The following COG6 variants were observed in gnomAD, a reference collection of about 807,000 sequenced individuals.
COG6 encodes the protein component of oligomeric golgi complex 6, also known as conserved oligomeric Golgi complex subunit 6.
Under a neutral mutation model 88.8 loss-of-function variants are expected in COG6, and 74 were observed. That is an observed-to-expected ratio of 0.83 (90% CI 0.69 to 1.01). The LOEUF (loss-of-function observed/expected upper bound fraction) is 1.01. Ranked by LOEUF, COG6 falls within the 50% of genes least tolerant of loss-of-function variation. COG6 has a pLI of 0.00. For missense variants in COG6, 800 were observed against 797.9 expected, an observed-to-expected ratio of 1.00 and a Z score of -0.03; for synonymous variants, 286 against 278.7, an observed-to-expected ratio of 1.03 and a Z score of -0.26.
intron 18 of COG6, among the ~76,000 whole-genome samples, chr13:39,763,112 T>C (rs1206138175): frequency 6.6e-6 from 1 of 151,810 alleles, no homozygotes; most frequent in Non-Finnish European, 1.5e-5. Flanking sequence ...TAAATCACTC[T>C]TGCATTCCCA....
At chr13:39,768,669 C>T (rs762367466) in intron 18 of COG6, among the ~76,000 whole-genome samples, 5 of 152,092 alleles carry the variant, frequency 3.3e-5, no homozygotes, top group Non-Finnish European at 7.4e-5. Context: ...AGTCAAGGCT[C>T]AGTGGTAACT....
intron 18 of COG6, among the ~76,000 whole-genome samples, chr13:39,768,855 G>A (rs773096821): frequency 2.2e-4 from 34 of 151,944 alleles, no homozygotes; most frequent in African/African-American, 6.0e-4. Context: ...CCCACCCCCC[G>A]CCTACCATCA....
intron 12 of COG6, among the ~76,000 whole-genome samples, chr13:39,696,947 A>G (rs1380379218): frequency 2.7e-5 from 4 of 147,796 alleles, no homozygotes; most frequent in Non-Finnish European, 4.5e-5. Context: ...CACAGCCAAT[A>G]GGACATGTAT....
intron 15 of COG6, 66 bp from the exon 16 acceptor site, chr13:39,723,267 G>A (rs1878945536): frequency 4.2e-6 from 4 of 963,738 alleles, no homozygotes; most frequent in South Asian, 3.9e-5. Context: ...GCCAATGCAA[G>A]GCACTGCATC....
exon 19 of COG6, chr13:39,791,229 G>T (rs559548140): frequency 6.6e-6 from 1 of 152,080 alleles, no homozygotes; most frequent in South Asian, 2.1e-4. Context: ...CTGTTAAGAT[G>T]AATCTATTTT....
At chr13:39,770,604 C>G (rs1024112037) in intron 18 of COG6, among the ~76,000 whole-genome samples, 5 of 152,162 alleles carry the variant, frequency 3.3e-5, no homozygotes, top group African/African-American at 1.2e-4. Flanking sequence ...CGTGTTTATT[C>G]ATTTTTCCTT....
chr13:39,692,149 G>T (rs1877013969), intron 11 of COG6, among the ~76,000 whole-genome samples: 2 of 151,988 alleles, frequency 1.3e-5, no homozygotes, highest in African/African-American at 4.8e-5. Context: ...CCAGTTTAAA[G>T]AATCTGTGCT....
At chr13:39,702,663 C>T (rs539192494) in intron 13 of COG6, among the ~76,000 whole-genome samples, 4 of 151,836 alleles carry the variant, frequency 2.6e-5, no homozygotes, top group African/African-American at 7.2e-5. Context: ...AGAATGCTTG[C>T]CAATACTTTT....
At chr13:39,776,942 C>A (rs572775929) in intron 18 of COG6, among the ~76,000 whole-genome samples, 19 of 151,956 alleles carry the variant, frequency 1.3e-4, no homozygotes, top group African/African-American at 3.6e-4. Context: ...CTTTTTTGTT[C>A]ATTCAGCTTT....
intron 13 of COG6, among the ~76,000 whole-genome samples, chr13:39,707,542 A>G (rs555324282): frequency 4.0e-4 from 61 of 152,346 alleles, no homozygotes; most frequent in African/African-American, 1.4e-3. Context: ...AAACATTTCT[A>G]GCCCTTCAGA....
intron 1 of COG6, among the ~76,000 whole-genome samples, chr13:39,657,467 T>G (rs1446162703): frequency 6.6e-6 from 1 of 152,198 alleles, no homozygotes; most frequent in African/African-American, 2.4e-5. Flanking sequence ...ACTGATTACT[T>G]CTTTGAACCA....
chr13:39,758,237 A>AAAAAAAAG (rs1240289975), intron 18 of COG6, among the ~76,000 whole-genome samples: 1 of 149,854 alleles, frequency 6.7e-6, no homozygotes, highest in Admixed American at 6.7e-5. Context: ...AAAAAAAAAA[A>AAAAAAAAG]AAAAATGACG....
At chr13:39,765,251 T>C (rs1881131121) in intron 18 of COG6, among the ~76,000 whole-genome samples, 2 of 152,232 alleles carry the variant, frequency 1.3e-5, no homozygotes, top group Admixed American at 1.3e-4. Context: ...ACTGTAGACT[T>C]ACCAATTAAG....
At chr13:39,703,022 C>T (rs1877669049) in intron 13 of COG6, among the ~76,000 whole-genome samples, 1 of 152,064 alleles carries the variant, frequency 6.6e-6, no homozygotes, top group Non-Finnish European at 1.5e-5. Context: ...TTTGCAAAAC[C>T]ACCTTGAGTT....
intron 11 of COG6, among the ~76,000 whole-genome samples, chr13:39,692,118 A>G (rs574070388): frequency 3.0e-4 from 45 of 152,182 alleles, no homozygotes; most frequent in Non-Finnish European, 5.4e-4. Flanking sequence ...ATGCATTAAG[A>G]TAAGATCTGT....
chr13:39,659,243 A>G (rs947721153), intron 1 of COG6, 121 bp from the exon 2 acceptor site: 56 of 893,978 alleles, frequency 6.3e-5, no homozygotes, highest in Non-Finnish European at 9.0e-5. Flanking sequence ...GTCATTCAAT[A>G]TTTTTCGGAT....
chr13:39,657,454 A>T (rs577365380), intron 1 of COG6, among the ~76,000 whole-genome samples: 1 of 151,994 alleles, frequency 6.6e-6, no homozygotes, highest in Non-Finnish European at 1.5e-5. Flanking sequence ...TTCGTTCAAC[A>T]TTACTGATTA....
At chr13:39,733,305 C>G (rs1446424642) in intron 18 of COG6, among the ~76,000 whole-genome samples, 1 of 151,536 alleles carries the variant, frequency 6.6e-6, no homozygotes, top group South Asian at 2.1e-4. Context: ...ACTCTTCTGC[C>G]TCGGCCTCCT....
rs1041500501 is a variant in COG6 at position 39,659,475 on chromosome 13, G to C, written c.265G>C (p.Glu89Gln). The C allele has an allele frequency of 1.2e-6, 2 of 1,613,492 alleles. No individual in the cohort carries two copies. Among genetic ancestry groups the C allele is most frequent in the African/African-American group, 2.7e-5 (2 of 75,006 alleles). Reference protein sequence around the residue: ...IERKSLAINEEFVSIFKEVKE... With the variant: ...IERKSLAINEQFVSIFKEVKE... ...ACGTAAAAGTTTAGCCATCAATGAA[G>C]AATTTGTAAGCATTTTCAAGGAAGT... The change falls in exon 2 of 19, where the codon GAA becomes CAA. Residue 89 changes from glutamate (E) to glutamine (Q), a missense_variant. Physicochemically the swap from Glu to Gln is conservative, Grantham distance 29 (BLOSUM62 2). Transcript: ENST00000455146.
Sources: gnomAD v4.1 joint callset for allele counts (sites outside exome capture counted in the v4.1 genomes callset) on GRCh38, gnomAD v4.1.1 for gene constraint, MANE v1.5 for transcripts, NCBI Gene and HGNC (gene_info 2026-07-23, HGNC 2026-07-21) for gene names.